LGR4: variants seen among roughly 807,000 people sequenced by gnomAD.
The protein encoded by LGR4 is leucine rich repeat containing G protein-coupled receptor 4.
A neutral mutation model predicts 84.8 loss-of-function variants in LGR4; 44 were observed. The observed-to-expected ratio is 0.52, with a 90% CI of 0.41 to 0.67. The LOEUF (loss-of-function observed/expected upper bound fraction) is 0.67, where lower values mean the gene tolerates loss of function less well. Ranked by LOEUF, LGR4 falls within the 30% of genes least tolerant of loss-of-function variation. The pLI is 0.00. For synonymous variants in LGR4, 429 were observed against 434.3 expected (o/e 0.99, Z 0.15); for missense variants, 1,032 against 1,131.4 (o/e 0.91, Z 1.26).
chr11:27,449,116 G>C (rs994594292), intron 1 of LGR4, among the ~76,000 whole-genome samples: 5 of 152,086 alleles, frequency 3.3e-5, no homozygotes, highest in Non-Finnish European at 7.4e-5. Context: ...TCATCCAAGA[G>C]AACATGCTGC....
rs116685204 is a variant in LGR4 at position 27,426,898 on chromosome 11, A to G, written c.186-14038T>C. 2.2e-3 allele frequency among the ~76,000 whole-genome samples: 338 copies of G among 152,308 alleles called. 3 individuals carry two copies. Among genetic ancestry groups the G allele is most frequent in the African/African-American group, 7.6e-3 (315 of 41,572 alleles). On this transcript the variant is annotated intron_variant, in intron 1 of 17. Transcript: ENST00000379214. ...TTAAAAATATGCTTTGGAATTTGGG[A>G]AAATAATTTCCCCAGAAACAATGGT...
intron 2 of LGR4, among the ~76,000 whole-genome samples, chr11:27,408,159 T>G (rs922039740): frequency 9.2e-5 from 14 of 152,180 alleles, no homozygotes; most frequent in African/African-American, 3.4e-4. Context: ...TATTTAAAAC[T>G]ATTTAATTTG....
At chr11:27,471,386 TC>T (rs1488734402) in intron 1 of LGR4, among the ~76,000 whole-genome samples, 10 of 152,204 alleles carry the variant, frequency 6.6e-5, no homozygotes, top group African/African-American at 2.4e-4. Flanking sequence ...ATCCTGCACC[TC>T]AGGTCAGCAT....
chr11:27,395,909 C>G (rs1863382993), intron 2 of LGR4, among the ~76,000 whole-genome samples: 1 of 152,058 alleles, frequency 6.6e-6, no homozygotes, highest in African/African-American at 2.4e-5. Flanking sequence ...TGTCTAAAAG[C>G]TCAGATTCAG....
chr11:27,392,595 A>T (rs1258406848), intron 2 of LGR4, 77 bp from the exon 3 acceptor site: 6 of 1,195,098 alleles, frequency 5.0e-6, no homozygotes, highest in Non-Finnish European at 7.0e-6. Flanking sequence ...CAAAAACCTA[A>T]TCTGTGATTA....
In LGR4 at chr11:27,371,597, A is replaced by C; in HGVS notation, c.1579+18T>G. 1 of 1,578,634 alleles carries C rather than the reference A, an allele frequency of 6.3e-7. No homozygotes were observed. Among genetic ancestry groups the C allele is most frequent in the African/African-American group, 1.3e-5 (1 of 74,196 alleles). On this transcript the variant is annotated intron_variant, in intron 17 of 17. Transcript: ENST00000379214. Reference sequence around the variant, plus strand: ...TTTGTTTAACATGGGTAACTGTGAAAAAATAGGCCAGGCATACCTGTTGAA... The same window carrying C: ...TTTGTTTAACATGGGTAACTGTGAACAAATAGGCCAGGCATACCTGTTGAA...
intron 4 of LGR4, among the ~76,000 whole-genome samples, chr11:27,390,163 T>TA (rs1863256752): frequency 6.6e-6 from 1 of 151,914 alleles, no homozygotes; most frequent in African/African-American, 2.4e-5. Flanking sequence ...TTGGTGCCGT[T>TA]AAAAATGGCT....
chr11:27,381,647 A>G (rs1256426770), intron 7 of LGR4, among the ~76,000 whole-genome samples: 1 of 152,170 alleles, frequency 6.6e-6, no homozygotes, highest in Non-Finnish European at 1.5e-5. Flanking sequence ...ATGCCACTGC[A>G]CCGTGACACT....
At chr11:27,385,114 T>C in intron 5 of LGR4, 139 bp downstream of exon 5, 3 of 590,846 alleles carry the variant, frequency 5.1e-6, no homozygotes, top group Non-Finnish European at 8.9e-6. Context: ...TGTTTAATAT[T>C]GTACAAAAGC....
intron 1 of LGR4, among the ~76,000 whole-genome samples, chr11:27,450,817 C>G (rs1864470370): frequency 6.6e-6 from 1 of 152,066 alleles, no homozygotes; most frequent in African/African-American, 2.4e-5. Context: ...ATTGTGCTCT[C>G]ACATCCATTC....
chr11:27,405,648 A>C (rs147125998), intron 2 of LGR4, among the ~76,000 whole-genome samples: 127 of 152,188 alleles, frequency 8.3e-4, no homozygotes, highest in African/African-American at 3.0e-3. Flanking sequence ...ATTTTCGTCA[A>C]AGCACCACCA....
At chr11:27,472,042 C>T (rs1590422118) in intron 1 of LGR4, 76 bp downstream of exon 1, 1 of 1,135,070 alleles carries the variant, frequency 8.8e-7, no homozygotes, top group Non-Finnish European at 1.1e-6. Context: ...GGACTGACCC[C>T]TGGCTCCGCC....
intron 2 of LGR4, among the ~76,000 whole-genome samples, chr11:27,409,947 C>T (rs1245849737): frequency 6.6e-6 from 1 of 152,150 alleles, no homozygotes; most frequent in Non-Finnish European, 1.5e-5. Context: ...GTGTTAGTTT[C>T]ATTTCTCCCC....
At chr11:27,391,276 T>TGG (rs551947186) in intron 3 of LGR4, 111 bp from the exon 4 acceptor site, 4 of 568,016 alleles carry the variant, frequency 7.0e-6, no homozygotes, top group Admixed American at 3.4e-5. Context: ...AATGGGAAAA[T>TGG]GGGGGGGAGG....
At chr11:27,435,915 CTT>C (rs869261031) in intron 1 of LGR4, among the ~76,000 whole-genome samples, 3 of 144,784 alleles carry the variant, frequency 2.1e-5, no homozygotes, top group Admixed American at 6.9e-5. Context: ...AATGGAACTT[CTT>C]TTTTTTTTTT....
intron 2 of LGR4, among the ~76,000 whole-genome samples, chr11:27,397,393 T>C (rs1159953689): frequency 1.3e-5 from 2 of 152,196 alleles, no homozygotes; most frequent in Non-Finnish European, 2.9e-5. Context: ...ATCTTATATG[T>C]CCCTCATGAG....
At chr11:27,407,737 T>C (rs2133393226) in intron 2 of LGR4, among the ~76,000 whole-genome samples, 1 of 152,206 alleles carries the variant, frequency 6.6e-6, no homozygotes, top group Non-Finnish European at 1.5e-5. Context: ...GAATTGTAGA[T>C]CAGGTGATAA....
chr11:27,409,772 T>C (rs930859388), intron 2 of LGR4, among the ~76,000 whole-genome samples: 2 of 152,154 alleles, frequency 1.3e-5, no homozygotes, highest in African/African-American at 4.8e-5. Context: ...ATGAAGTTCT[T>C]CCTACAACAC....
rs530261420 is a variant in LGR4 at position 27,385,430 on chromosome 11, T to A, written c.440A>T (p.Asp147Val). 2 of 1,610,366 alleles carry A rather than the reference T, an allele frequency of 1.2e-6. No homozygotes were observed. The highest frequency in any genetic ancestry group is 2.2e-5 in the South Asian group (2 of 89,810). The change falls in exon 5 of 18, where the codon GAC becomes GTC. Residue 147 changes from aspartate to valine, a missense_variant. Coordinates refer to ENST00000379214, the MANE Select transcript of LGR4 (RefSeq NM_018490.5). ...TAACTGAACAAGTCCTTCAAAACTG[T>A]CCTCGGGGACTGAGGTAATATGGTT... ...DANHITSVPE[D>V]SFEGLVQLRH... is the part of the protein sequence containing the mutation.
Sources: allele counts gnomAD v4.1 joint callset (sites outside exome capture counted in the v4.1 genomes callset), GRCh38; gene constraint gnomAD v4.1.1; transcripts MANE v1.5; gene names NCBI Gene and HGNC (gene_info 2026-07-23, HGNC 2026-07-21).